Variants in MSH4 observed in about 807,000 individuals in gnomAD.
The protein encoded by MSH4 is mutS homolog 4.
Under a neutral mutation model 113.7 loss-of-function variants are expected in MSH4, and 106 were observed. That is an observed-to-expected ratio of 0.93 (90% CI 0.80 to 1.10). The LOEUF (loss-of-function observed/expected upper bound fraction) is 1.10, where lower values mean the gene tolerates loss of function less well. MSH4 is among the 50% of genes least tolerant of loss of function. The pLI, the probability that MSH4 is intolerant of heterozygous loss-of-function variation, is 0.00. For missense variants in MSH4, 1,061 were observed against 1,093.7 expected (o/e 0.97, Z 0.42); for synonymous variants, 368 against 380.2 (o/e 0.97, Z 0.37).
intron 7 of MSH4, among the ~76,000 whole-genome samples, chr1:75,829,585 A>T (rs532684149): frequency 3.3e-5 from 5 of 152,286 alleles, no homozygotes; most frequent in African/African-American, 1.2e-4. Flanking sequence ...TCTGAGACAA[A>T]GCTTCCAGAG....
chr1:75,802,488 T>G (rs1160708748), intron 1 of MSH4, among the ~76,000 whole-genome samples: 5 of 152,190 alleles, frequency 3.3e-5, no homozygotes, highest in Non-Finnish European at 7.3e-5. Context: ...ATTTTAAAAT[T>G]TTTTTAGAAC....
Sources: allele counts gnomAD v4.1 joint callset (sites outside exome capture counted in the v4.1 genomes callset), GRCh38; gene constraint gnomAD v4.1.1; transcripts MANE v1.5; gene names NCBI Gene and HGNC (gene_info 2026-07-23, HGNC 2026-07-21).